The following NRF1 variants were observed in gnomAD, a reference collection of about 807,000 sequenced individuals.
The protein encoded by NRF1 is nuclear respiratory factor 1, also known as alpha palindromic-binding protein.
Under a neutral mutation model 58.5 loss-of-function variants are expected in NRF1, and 5 were observed. That is an observed-to-expected ratio of 0.09 (90% CI 0.04 to 0.18). The LOEUF (loss-of-function observed/expected upper bound fraction) is 0.18. Ranked by LOEUF, NRF1 falls within the 10% of genes least tolerant of loss-of-function variation. NRF1 has a pLI of 1.00. For synonymous variants in NRF1, 224 were observed against 246.7 expected (o/e 0.91, Z 0.86); for missense variants, 288 against 657.7 (o/e 0.44, Z 6.15).
At chr7:129,612,362 A>G (rs1242259712) in intron 1 of NRF1, among the ~76,000 whole-genome samples, 2 of 151,612 alleles carry the variant, frequency 1.3e-5, no homozygotes, top group Non-Finnish European at 2.9e-5. Context: ...CTCCTGCGGG[A>G]GAGGAGGCTG....
chr7:129,674,755 A>G (rs1470917255), intron 3 of NRF1, among the ~76,000 whole-genome samples: 1 of 152,156 alleles, frequency 6.6e-6, no homozygotes, highest in Non-Finnish European at 1.5e-5. Context: ...TTAATTGCTA[A>G]AAGATGTTAG....
chr7:129,727,815 G>T (rs1291473229), intron 10 of NRF1, among the ~76,000 whole-genome samples: 1 of 152,168 alleles, frequency 6.6e-6, no homozygotes, highest in Non-Finnish European at 1.5e-5. Context: ...CAGGCAGCAG[G>T]CTGTGATGCC....
At position 129,657,572 on chromosome 7, in the gene NRF1, C is replaced by CCT; in HGVS notation, c.221_222insCT (p.Gly75Ter). ...GAGGTGACAGCTCATCTGGCAGCTGCAGGTAGTGTTGTTTGGATTAGAAGC... is the reference window on the plus strand; with the variant it reads ...GAGGTGACAGCTCATCTGGCAGCTGCCTAGGTAGTGTTGTTTGGATTAGAAGC... On this transcript the variant is annotated frameshift_variant and splice_region_variant, in exon 2 of 11. Coordinates refer to ENST00000393232, the MANE Select transcript of NRF1 (RefSeq NM_005011.5). LOFTEE classifies it high-confidence loss of function. 6.3e-7 allele frequency: 1 copy of CCT among 1,595,272 alleles called. No homozygotes were observed. Among genetic ancestry groups the CCT allele is most frequent in the Non-Finnish European group, 8.6e-7 (1 of 1,163,938 alleles).
At chr7:129,674,341 C>G (rs1406473340) in intron 3 of NRF1, among the ~76,000 whole-genome samples, 1 of 151,404 alleles carries the variant, frequency 6.6e-6, no homozygotes, top group East Asian at 1.9e-4. Context: ...TTTGGTTTCT[C>G]AGTACATAAA....
chr7:129,710,055 G>A (rs1163761459), intron 6 of NRF1, among the ~76,000 whole-genome samples: 1 of 152,068 alleles, frequency 6.6e-6, no homozygotes, highest in African/African-American at 2.4e-5. Flanking sequence ...ATTTAGCTTG[G>A]AAGTTTACTG....
At chr7:129,650,667 C>T (rs956158322) in intron 1 of NRF1, among the ~76,000 whole-genome samples, 8 of 151,934 alleles carry the variant, frequency 5.3e-5, no homozygotes, top group African/African-American at 1.7e-4. Flanking sequence ...CTGTGTTCCT[C>T]ACTTTATCTG....
chr7:129,683,590 A>G (rs1231334978), intron 4 of NRF1, among the ~76,000 whole-genome samples: 1 of 150,728 alleles, frequency 6.6e-6, no homozygotes, highest in African/African-American at 2.4e-5. Context: ...TCGGCTTCCC[A>G]AAGTGCTGCG....
chr7:129,692,800 T>G (rs572874212), intron 5 of NRF1, among the ~76,000 whole-genome samples: 1 of 152,182 alleles, frequency 6.6e-6, no homozygotes, highest in Non-Finnish European at 1.5e-5. Flanking sequence ...TCCGTTATTT[T>G]GCTTTTGCTG....
At chr7:129,612,879 G>A (rs1800569702) in intron 1 of NRF1, among the ~76,000 whole-genome samples, 1 of 152,234 alleles carries the variant, frequency 6.6e-6, no homozygotes, top group Non-Finnish European at 1.5e-5. Flanking sequence ...AGAACTTGAA[G>A]TTGTTTAAAA....
At chr7:129,638,667 G>GT (rs1423414415) in intron 1 of NRF1, among the ~76,000 whole-genome samples, 2 of 152,156 alleles carry the variant, frequency 1.3e-5, no homozygotes, top group African/African-American at 4.8e-5. Context: ...AACATTGGTA[G>GT]TAGTCATGGA....
chr7:129,755,006 T>C lies in NRF1; in HGVS notation c.1349-12T>C. ...CTGAGCCCCACCAACGGTCTTCTCT[T>C]TGTCTCTCCAGGCCTGGTCCAGATC... On this transcript the variant is annotated splice_polypyrimidine_tract_variant and intron_variant, in intron 10 of 10. Coordinates refer to ENST00000393232, the MANE Select transcript of NRF1 (RefSeq NM_005011.5). The surrounding 1 kb of genome is among the most constrained non-coding windows in gnomAD (Gnocchi z 5.8). The C allele has an allele frequency of 6.4e-7, 1 of 1,573,626 alleles. No homozygotes were observed. The highest frequency in any genetic ancestry group is 8.6e-7 in the Non-Finnish European group (1 of 1,161,446).
chr7:129,705,872 T>C (rs1012933365), intron 5 of NRF1, among the ~76,000 whole-genome samples: 1 of 151,918 alleles, frequency 6.6e-6, no homozygotes, highest in African/African-American at 2.4e-5. Context: ...GCCCTGGAGG[T>C]TGAGGCTGCA....
chr7:129,671,595 A>G (rs1193851367), intron 3 of NRF1, 52 bp downstream of exon 3: 1 of 991,772 alleles, frequency 1.0e-6, no homozygotes, highest in Non-Finnish European at 1.6e-6. Context: ...CTTCCTGTGG[A>G]TGACAGACTT....
chr7:129,702,312 TCTTG>T (rs1802845046), intron 5 of NRF1, among the ~76,000 whole-genome samples: 1 of 152,178 alleles, frequency 6.6e-6, no homozygotes, highest in African/African-American at 2.4e-5. Flanking sequence ...GAAGCAGAAG[TCTTG>T]CCTTGAGAGA....
At chr7:129,671,661 A>G in intron 3 of NRF1, 118 bp downstream of exon 3, 1 of 610,032 alleles carries the variant, frequency 1.6e-6, no homozygotes, top group South Asian at 2.1e-5. Flanking sequence ...TTGATGACAG[A>G]TGTAGACTTA....
chr7:129,636,799 T>C (rs932723533), intron 1 of NRF1, among the ~76,000 whole-genome samples: 2 of 152,192 alleles, frequency 1.3e-5, no homozygotes, highest in Non-Finnish European at 2.9e-5. Flanking sequence ...CCTTAGACAA[T>C]AGAAAAACGT....
chr7:129,709,044 G>C, intron 5 of NRF1, 31 bp from the exon 6 acceptor site: 1 of 1,415,732 alleles, frequency 7.1e-7, no homozygotes, highest in Non-Finnish European at 9.3e-7. Context: ...TGTCTTTCAT[G>C]AGTATTGATG....
intron 2 of NRF1, among the ~76,000 whole-genome samples, chr7:129,667,092 C>T (rs1195539854): frequency 6.6e-6 from 1 of 152,182 alleles, no homozygotes; most frequent in Non-Finnish European, 1.5e-5. Flanking sequence ...TTGAAAAGTA[C>T]TACTGGAAGA....
At chr7:129,672,531 A>G (rs533366253) in intron 3 of NRF1, among the ~76,000 whole-genome samples, 1 of 152,340 alleles carries the variant, frequency 6.6e-6, no homozygotes, top group African/African-American at 2.4e-5. Context: ...TGGTGATTAT[A>G]GTAATCTAGG....
Sources: gnomAD v4.1 joint callset for allele counts (sites outside exome capture counted in the v4.1 genomes callset) on GRCh38, gnomAD v4.1.1 for gene constraint, Gnocchi (gnomAD v3.1) non-coding constraint, MANE v1.5 for transcripts, NCBI Gene and HGNC (gene_info 2026-07-23, HGNC 2026-07-21) for gene names.